Variants in CEP89 observed in about 807,000 individuals in gnomAD.
The protein encoded by CEP89 is centrosomal protein of 89 kDa.
Under a neutral mutation model 97.6 loss-of-function variants are expected in CEP89, and 95 were observed. The ratio of observed to expected loss-of-function variants is 0.97; its 90% CI spans 0.82 to 1.15. The LOEUF is 1.15. CEP89 is among the 50% of genes most tolerant of loss of function. The pLI is 0.00. For synonymous variants in CEP89, 354 were observed against 349.1 expected (o/e 1.01, Z -0.16); for missense variants, 869 against 947.7 (o/e 0.92, Z 1.09).
At chr19:32,951,532 TATACACACACAC>T (rs1199429802) in intron 4 of CEP89, among the ~76,000 whole-genome samples, 14 of 112,406 alleles carry the variant, frequency 1.2e-4, no homozygotes, top group African/African-American at 2.1e-4. Context: ...TATATATATA[TATACACACACAC>T]ACACACACAC....
At chr19:32,897,408 AAGG>A (rs905133314) in intron 16 of CEP89, among the ~76,000 whole-genome samples, 1 of 152,168 alleles carries the variant, frequency 6.6e-6, no homozygotes, top group Non-Finnish European at 1.5e-5. Context: ...GAGTGACTGG[AAGG>A]AGGAGAAGGT....
At chr19:32,913,310 T>TGTTG (rs1555790456) in intron 14 of CEP89, among the ~76,000 whole-genome samples, 1 of 45,614 alleles carries the variant, frequency 2.2e-5, no homozygotes, top group African/African-American at 7.8e-5. Context: ...TATATATTTT[T>TGTTG]TTGTTGTTGT....
chr19:32,900,428 C>CAT (rs777811578), intron 15 of CEP89, among the ~76,000 whole-genome samples: 4 of 151,126 alleles, frequency 2.6e-5, no homozygotes, highest in Non-Finnish European at 5.9e-5. Context: ...TGTATATATA[C>CAT]ATATATATAT....
chr19:32,930,553 T>C (rs1268698771), intron 9 of CEP89, among the ~76,000 whole-genome samples: 1 of 151,780 alleles, frequency 6.6e-6, no homozygotes, highest in Non-Finnish European at 1.5e-5. Flanking sequence ...CCAGGAGCCA[T>C]GGGAGAACAC....
chr19:32,913,020 G>C (rs978176585), intron 14 of CEP89, among the ~76,000 whole-genome samples: 23 of 150,268 alleles, frequency 1.5e-4, no homozygotes, highest in Admixed American at 1.5e-3. Context: ...TCCAGCCTGG[G>C]CGACAGTGAG....
chr19:32,971,766 C>T lies in CEP89; in HGVS notation c.39+70G>A. 4.0e-6 allele frequency: 6 copies of T among 1,506,608 alleles called. No individual in the cohort carries two copies. In the Middle Eastern group the frequency reaches 1.0e-3, roughly 255 times the overall value. 93.3% of individuals were successfully genotyped at this position (1,506,608 alleles called of 1,614,324 possible). ...CTGGATCTCAGGCCAAACCCCAACC[C>T]GCCCCAACACTTTACCCCTAATTCC... is the stretch of plus-strand genomic sequence containing the variant. On this transcript the variant is annotated intron_variant, in intron 1 of 18. Transcript: ENST00000305768.
In CEP89 at chr19:32,891,197, C is replaced by T. The variant is rs140582900; in HGVS notation, c.1876-3356G>A. On this transcript the variant is annotated intron_variant, in intron 16 of 18. Coordinates refer to ENST00000305768, the MANE Select transcript of CEP89 (RefSeq NM_032816.5). ...CCCCCTCCAGCCGCAGAGCCCTGCGCACGTGCATGTGCCCTGAAGACAGGC... is the reference window on the plus strand; with the variant it reads ...CCCCCTCCAGCCGCAGAGCCCTGCGTACGTGCATGTGCCCTGAAGACAGGC... 2.8e-3 allele frequency among the ~76,000 whole-genome samples: 430 copies of T among 152,328 alleles called. 3 individuals carry two copies. The highest frequency in any genetic ancestry group is 9.6e-3 in the African/African-American group (401 of 41,578).
At chr19:32,917,357 ATCTTTAAACAC>A (rs1970148739) in intron 13 of CEP89, among the ~76,000 whole-genome samples, 1 of 152,172 alleles carries the variant, frequency 6.6e-6, no homozygotes, top group African/African-American at 2.4e-5. Flanking sequence ...AGATGCTCTC[ATCTTTAAACAC>A]GACCTGGTTC....
intron 1 of CEP89, chr19:32,971,437 A>AG (rs1414280810): frequency 2.2e-6 from 1 of 457,374 alleles, no homozygotes; most frequent in Non-Finnish European, 3.9e-6. Flanking sequence ...CCAACACTTT[A>AG]GGAGGCTAAG....
Position 32,879,384 on chromosome 19 carries a change from G to A in CEP89, c.2136-6C>T, listed in dbSNP as rs768417674. ...CAAGTTCACCTTCCATTTCTCTGAG[G>A]GAAATAAGTTTAAAATGGCACAATT... On this transcript the variant is annotated splice_polypyrimidine_tract_variant and splice_region_variant and intron_variant, in intron 18 of 18. Coordinates refer to ENST00000305768, the MANE Select transcript of CEP89 (RefSeq NM_032816.5). 3 of 1,609,742 alleles carry A rather than the reference G, an allele frequency of 1.9e-6. No homozygotes were observed. Among genetic ancestry groups the A allele is most frequent in the East Asian group, 2.2e-5 (1 of 44,858 alleles).
chr19:32,912,884 T>C (rs936579656), intron 14 of CEP89, among the ~76,000 whole-genome samples: 6 of 150,294 alleles, frequency 4.0e-5, no homozygotes, highest in Admixed American at 1.3e-4. Flanking sequence ...CTACTAAAAA[T>C]ACAAAAAATT....
In CEP89 at chr19:32,915,444, G is replaced by A. The variant is rs376338776; in HGVS notation, c.1458C>T (p.Asn486=). The change falls in exon 14 of 19, where the codon AAC becomes AAT. Residue 486 remains asparagine, a synonymous_variant. Coordinates refer to ENST00000305768, the MANE Select transcript of CEP89 (RefSeq NM_032816.5). ...CACGTAAAATCTCCAGCTGTTCCCT[G>A]TTCTCCGCCAGCTCCTTTTCCTGGC... The part of the protein sequence containing the change: ...THGQEKELAE[N]REQLEILRAK... The A allele has an allele frequency of 2.4e-5, 39 of 1,613,690 alleles. No individual in the cohort carries two copies. Among genetic ancestry groups the A allele is most frequent in the Non-Finnish European group, 3.1e-5 (37 of 1,179,968 alleles).
intron 14 of CEP89, among the ~76,000 whole-genome samples, chr19:32,904,625 C>T (rs1969852205): frequency 6.7e-6 from 1 of 149,426 alleles, no homozygotes; most frequent in African/African-American, 2.5e-5. Flanking sequence ...TGGAGTCTCA[C>T]TCTGTCACCA....
At chr19:32,907,040 C>T (rs989573816) in intron 14 of CEP89, among the ~76,000 whole-genome samples, 2 of 152,038 alleles carry the variant, frequency 1.3e-5, no homozygotes, top group Non-Finnish European at 2.9e-5. Context: ...TGAAATGAAA[C>T]ACTTTTATTC....
At chr19:32,926,817 C>T in intron 10 of CEP89, 117 bp downstream of exon 10, 2 of 839,268 alleles carry the variant, frequency 2.4e-6, no homozygotes, top group Non-Finnish European at 2.0e-6. Flanking sequence ...CCGCCTCAGC[C>T]TTCCAAAGTG....
At chr19:32,923,055 C>A (rs550267716) in intron 12 of CEP89, among the ~76,000 whole-genome samples, 30 of 152,208 alleles carry the variant, frequency 2.0e-4, no homozygotes, top group African/African-American at 7.2e-4. Context: ...TCGTGCAAGC[C>A]TCATGAGCTT....
At chr19:32,908,726 G>A (rs1969940603) in intron 14 of CEP89, among the ~76,000 whole-genome samples, 1 of 152,288 alleles carries the variant, frequency 6.6e-6, no homozygotes, top group South Asian at 2.1e-4. Flanking sequence ...TCATAATAGA[G>A]ATAGGCCACA....
intron 17 of CEP89, among the ~76,000 whole-genome samples, chr19:32,884,875 T>C (rs1053986556): frequency 7.7e-6 from 1 of 130,640 alleles, no homozygotes; most frequent in Non-Finnish European, 1.5e-5. Flanking sequence ...AATTCCACTA[T>C]TTAGGAATAA....
intron 16 of CEP89, among the ~76,000 whole-genome samples, chr19:32,899,127 T>C (rs1425059931): frequency 1.1e-5 from 1 of 87,132 alleles, no homozygotes; most frequent in African/African-American, 4.5e-5. Flanking sequence ...CTGGTTTAAT[T>C]AGCATTTTTT....
Sources: allele counts gnomAD v4.1 joint callset (sites outside exome capture counted in the v4.1 genomes callset), GRCh38; gene constraint gnomAD v4.1.1; transcripts MANE v1.5; gene names NCBI Gene and HGNC (gene_info 2026-07-23, HGNC 2026-07-21).